SORT1: variants seen among roughly 807,000 people sequenced by gnomAD.
SORT1 encodes sortilin.
Under a neutral mutation model 101.7 loss-of-function variants are expected in SORT1, and 39 were observed. The ratio of observed to expected loss-of-function variants is 0.38; its 90% CI spans 0.30 to 0.50. The LOEUF (loss-of-function observed/expected upper bound fraction) is 0.50, where lower values mean the gene tolerates loss of function less well. Among genes scored for constraint, SORT1 ranks in the 20% least tolerant of loss-of-function variants. The pLI is 0.90. For missense variants in SORT1, 878 were observed against 1,040.4 expected, an observed-to-expected ratio of 0.84 and a Z score of 2.15; for synonymous variants, 396 against 393.7, an observed-to-expected ratio of 1.01 and a Z score of -0.07.
rs749385917 is a variant in SORT1 at position 109,355,410 on chromosome 1, C to T, written c.500G>A (p.Arg167Gln). ...ACCAATAGCCATGCCAAATTCAGTCCGAATAAAGGTGTTATTGATGAGATC... is the reference window on the plus strand; with the variant it reads ...ACCAATAGCCATGCCAAATTCAGTCTGAATAAAGGTGTTATTGATGAGATC... Reference protein sequence around the residue: ...ITDLINNTFIRTEFGMAIGPE... With the variant: ...ITDLINNTFIQTEFGMAIGPE... The change falls in exon 4 of 20, where the codon CGG (arginine) becomes CAG (glutamine). Residue 167 changes from arginine to glutamine, a missense_variant. Arg to Gln is a conservative substitution (Grantham distance 43). Coordinates refer to ENST00000256637, the MANE Select transcript of SORT1 (RefSeq NM_002959.7). 4 of 1,604,682 alleles carry T rather than the reference C, an allele frequency of 2.5e-6. No homozygotes were observed. The highest frequency in any genetic ancestry group is 3.4e-6 in the Non-Finnish European group (4 of 1,171,616).
Position 109,350,971 on chromosome 1 carries a change from C to T in SORT1, c.740G>A (p.Gly247Glu). 6.2e-7 allele frequency: 1 copy of T among 1,612,680 alleles called. No individual in the cohort carries two copies. The highest frequency in any genetic ancestry group is 8.5e-7 in the Non-Finnish European group (1 of 1,178,656). ...NGLWVSKNFG[G>E]KWEEIHKAVC... is the part of the protein sequence containing the mutation. ...TGCTTTGTGGATTTCTTCCCATTTT[C>T]CCCCAAAATTCTTGGACACCCACAG... The change falls in exon 6 of 20, where the codon GGA becomes GAA. Residue 247 changes from glycine (G) to glutamate (E), a missense_variant. Around this residue, in one of 2 missense-constraint regions of SORT1, gnomAD observed 684 missense variants for 894.5 expected, o/e 0.76. Transcript: ENST00000256637.
intron 3 of SORT1, among the ~76,000 whole-genome samples, chr1:109,359,529 C>T (rs1165301016): frequency 6.6e-6 from 1 of 152,072 alleles, no homozygotes; most frequent in African/African-American, 2.4e-5. Context: ...GACAGAGTTC[C>T]ACTCTTGTTA....
rs972945861 is a variant in SORT1, at chr1:109,317,241, C to A, written c.2142-283G>T. 3.3e-5 allele frequency among the ~76,000 whole-genome samples: 5 copies of A among 152,282 alleles called. No homozygotes were observed. In the East Asian group the frequency reaches 9.6e-4, roughly 29 times the overall value. ...ATCTGACCCCAAAAAAGCTCATTAA[C>A]AAGTGGTACAAAATGGGAGAGGGGA... On this transcript the variant is annotated intron_variant, in intron 16 of 19. Transcript: ENST00000256637.
At chr1:109,380,335 T>A (rs950346397) in intron 1 of SORT1, among the ~76,000 whole-genome samples, 1 of 152,008 alleles carries the variant, frequency 6.6e-6, no homozygotes, top group Non-Finnish European at 1.5e-5. Flanking sequence ...TTTATAACCT[T>A]GGAATGGGAA....
intron 3 of SORT1, 62 bp downstream of exon 3, chr1:109,367,346 G>T: frequency 1.0e-6 from 1 of 955,880 alleles, no homozygotes; most frequent in Non-Finnish European, 1.6e-6. Context: ...GTCTAGAAAA[G>T]GGAGAATCTA....
intron 11 of SORT1, among the ~76,000 whole-genome samples, chr1:109,328,925 C>T (rs547554902): frequency 1.3e-5 from 2 of 152,332 alleles, no homozygotes; most frequent in South Asian, 4.1e-4. Context: ...CTGCACCAGG[C>T]TGGCTCCTGC....
Position 109,340,883 on chromosome 1 carries a change from A to C in SORT1, c.1109-4T>G, listed in dbSNP as rs1383351256. ...AAGATTGTGCCAAACCCAGTGTCTG[A>C]AATAGGCAAACAAACAAAAATACTA... On this transcript the variant is annotated splice_polypyrimidine_tract_variant and splice_region_variant and intron_variant, in intron 9 of 19. Transcript: ENST00000256637. 6.2e-7 allele frequency: 1 copy of C among 1,605,314 alleles called. No individual in the cohort carries two copies. Among genetic ancestry groups the C allele is most frequent in the South Asian group, 1.1e-5 (1 of 90,256 alleles).
intron 13 of SORT1, 92 bp from the exon 14 acceptor site, chr1:109,325,181 C>A (rs1237931048): frequency 1.0e-5 from 6 of 582,510 alleles, no homozygotes; most frequent in South Asian, 3.3e-5. Context: ...CCAAACCAGA[C>A]AAAACCCCTT....
chr1:109,367,591 T>C (rs1651179503), intron 2 of SORT1, 110 bp from the exon 3 acceptor site: 1 of 654,028 alleles, frequency 1.5e-6, no homozygotes, highest in Non-Finnish European at 2.7e-6. Flanking sequence ...CCCTACTTTG[T>C]AGTACTCCCC....
intron 3 of SORT1, among the ~76,000 whole-genome samples, chr1:109,364,011 A>T (rs1331010724): frequency 6.6e-6 from 1 of 152,242 alleles, no homozygotes; most frequent in Admixed American, 6.5e-5. Context: ...GGAAGTGGGT[A>T]CAGAGTCAGT....
intron 10 of SORT1, among the ~76,000 whole-genome samples, chr1:109,339,754 A>C (rs1302368895): frequency 6.6e-6 from 1 of 152,232 alleles, no homozygotes; most frequent in Non-Finnish European, 1.5e-5. Context: ...AAGGAACTGA[A>C]AGCATTGACT....
intron 1 of SORT1, 81 bp from the exon 2 acceptor site, chr1:109,369,670 T>A: frequency 2.2e-6 from 2 of 930,120 alleles, no homozygotes; most frequent in Admixed American, 3.6e-5. Flanking sequence ...CTGAACTTTA[T>A]TACTGTTCAG....
chr1:109,312,191 G>A lies in SORT1; in HGVS notation c.*1852C>T, dbSNP rs544399370. 2.0e-5 allele frequency: 3 copies of A among 152,350 alleles called. No individual in the cohort carries two copies. The highest frequency in any genetic ancestry group is 7.2e-5 in the African/African-American group (3 of 41,556). 9.4% of individuals were successfully genotyped at this position (152,350 alleles called of 1,614,324 possible). Reference sequence around the variant, plus strand: ...GTACCAAATTCACTTTGGGCAGGAGGGAGGGTGGGGCAGAGGCTGACGTTT... The same window carrying A: ...GTACCAAATTCACTTTGGGCAGGAGAGAGGGTGGGGCAGAGGCTGACGTTT... On this transcript the variant is annotated 3_prime_UTR_variant, in exon 20 of 20. Transcript: ENST00000256637.
At chr1:109,390,800 C>T (rs2115786) in intron 1 of SORT1, among the ~76,000 whole-genome samples, 83,186 of 126,798 alleles carry the variant, frequency 0.66, 26,139 homozygotes, top group East Asian at 0.93. Context: ...TGTGTGTGTG[C>T]GCGCGCGCGT....
At chr1:109,354,593 C>A in intron 4 of SORT1, 62 bp from the exon 5 acceptor site, 1 of 1,256,038 alleles carries the variant, frequency 8.0e-7, no homozygotes, top group Non-Finnish European at 1.1e-6. Context: ...CACAGGAGTT[C>A]TTACACCATT....
At chr1:109,322,784 C>T in intron 15 of SORT1, 148 bp downstream of exon 15, 7 of 618,524 alleles carry the variant, frequency 1.1e-5, no homozygotes, top group South Asian at 2.1e-5. Flanking sequence ...AAGTGATCTG[C>T]CTGCCTTGGC....
chr1:109,378,702 A>T (rs1406803190), intron 1 of SORT1, among the ~76,000 whole-genome samples: 2 of 1,214 alleles, frequency 1.6e-3, no homozygotes, highest in East Asian at 0.042. Flanking sequence ...AGTGAATGAT[A>T]TATATATATA....
Position 109,318,004 on chromosome 1 carries a change from C to T in SORT1, c.2025-35G>A, listed in dbSNP as rs770188286. On this transcript the variant is annotated intron_variant, in intron 15 of 19. Coordinates refer to ENST00000256637, the MANE Select transcript of SORT1 (RefSeq NM_002959.7). ...TCAGCAAATAAAGTACCTTTCAAAG[C>T]AGCTGGAAGACCGTTAAGTGACTAG... 4 of 1,357,006 alleles carry T rather than the reference C, an allele frequency of 2.9e-6. No individual in the cohort carries two copies. In the South Asian group the frequency reaches 4.7e-5, roughly 16 times the overall value. 84.1% of individuals were successfully genotyped at this position (1,357,006 alleles called of 1,614,324 possible).
chr1:109,353,893 G>A (rs1650126564), intron 5 of SORT1, among the ~76,000 whole-genome samples: 1 of 152,148 alleles, frequency 6.6e-6, no homozygotes, highest in African/African-American at 2.4e-5. Context: ...GAACGTGGTA[G>A]GGAGCGCAGG....
Sources: gnomAD v4.1 joint callset for allele counts (sites outside exome capture counted in the v4.1 genomes callset) on GRCh38, gnomAD v4.1.1 for gene constraint, gnomAD v4.1.1 regional missense constraint, MANE v1.5 for transcripts, NCBI Gene and HGNC (gene_info 2026-07-23, HGNC 2026-07-21) for gene names.